Variants in RFX4 observed in about 807,000 individuals in gnomAD.
The protein encoded by RFX4 is transcription factor RFX4.
A neutral mutation model predicts 95.0 loss-of-function variants in RFX4; 10 were observed. The ratio of observed to expected loss-of-function variants is 0.11; its 90% CI spans 0.06 to 0.18. RFX4 has a LOEUF of 0.18. Among genes scored for constraint, RFX4 ranks in the 10% least tolerant of loss-of-function variants. RFX4 has a pLI of 1.00. For missense variants in RFX4, 640 were observed against 922.0 expected, an observed-to-expected ratio of 0.69 and a Z score of 3.96; for synonymous variants, 321 against 340.7, an observed-to-expected ratio of 0.94 and a Z score of 0.64.
Position 106,721,203 on chromosome 12 carries a change from G to A in RFX4, c.1351+327G>A, listed in dbSNP as rs184498835. ...CCAAAGCACAATTTCATAGAATCCC[G>A]TATTTGTGCACTTCCCAAGACTGGG... On this transcript the variant is annotated intron_variant, in intron 13 of 17. Transcript: ENST00000392842. Among the ~76,000 whole-genome samples, 344 of 152,214 alleles carry A rather than the reference G, an allele frequency of 2.3e-3. 2 individuals carry two copies. The highest frequency in any genetic ancestry group is 7.5e-3 in the African/African-American group (310 of 41,530).
chr12:106,646,560 C>G (rs1292430451), intron 3 of RFX4, among the ~76,000 whole-genome samples: 3 of 151,934 alleles, frequency 2.0e-5, no homozygotes, highest in African/African-American at 7.3e-5. Flanking sequence ...AGGTCAAACC[C>G]AGCGTAGGAA....
Position 106,761,355 on chromosome 12 carries a change from T to C in RFX4, c.2094T>C (p.Ser698=), listed in dbSNP as rs754708368. Reference sequence around the variant, plus strand: ...TGCATTCTGCGAGGTACGGAAACTCTAGTGACATGTATACACCTCTGACAA... The same window carrying C: ...TGCATTCTGCGAGGTACGGAAACTCCAGTGACATGTATACACCTCTGACAA... ...PSVHSARYGN[S]SDMYTPLTTR... The change falls in exon 18 of 18, where the codon TCT becomes TCC. Residue 698 remains serine, a synonymous_variant. Coordinates refer to ENST00000392842, the MANE Select transcript of RFX4 (RefSeq NM_213594.3). The C allele has an allele frequency of 2.5e-6, 4 of 1,614,114 alleles. No individual in the cohort carries two copies. The highest frequency in any genetic ancestry group is 3.4e-6 in the Non-Finnish European group (4 of 1,180,012).
intron 4 of RFX4, among the ~76,000 whole-genome samples, chr12:106,655,145 C>A (rs1205099783): frequency 1.3e-5 from 2 of 152,142 alleles, no homozygotes; most frequent in Non-Finnish European, 2.9e-5. Flanking sequence ...CAGGAATTCC[C>A]TTTTCAGATC....
intron 15 of RFX4, 152 bp downstream of exon 15, chr12:106,733,237 G>A (rs2042647130): frequency 4.0e-6 from 3 of 753,446 alleles, no homozygotes; most frequent in African/African-American, 3.5e-5. Context: ...TTGGGAGGCT[G>A]AGGTGGGAGA....
rs529744101 is a variant in RFX4, at chr12:106,668,810, G to A, written c.316-13183G>A. On this transcript the variant is annotated intron_variant, in intron 4 of 17. Coordinates refer to ENST00000392842, the MANE Select transcript of RFX4 (RefSeq NM_213594.3). Reference sequence around the variant, plus strand: ...TTATGAGCTCATGGGAAGTAACATGGGTGGTACAATGTGATCACTTAAGAC... The same window carrying A: ...TTATGAGCTCATGGGAAGTAACATGAGTGGTACAATGTGATCACTTAAGAC... 3.3e-5 allele frequency among the ~76,000 whole-genome samples: 5 copies of A among 152,200 alleles called. No homozygotes were observed. The East Asian group carries it at 7.7e-4, about 24-fold the overall frequency.
At position 106,720,458 on chromosome 12, in the gene RFX4, T is replaced by G. The variant is rs2042374729; in HGVS notation, c.1234-301T>G. On this transcript the variant is annotated intron_variant, in intron 12 of 17. Coordinates refer to ENST00000392842, the MANE Select transcript of RFX4 (RefSeq NM_213594.3). The surrounding 1 kb of genome is among the most constrained non-coding windows in gnomAD (Gnocchi z 4.2). ...GTGCAGTGGTGCGATCACAGCTCAC[T>G]GCAGCCTTGACCTCCCCAGGCTCAT... 6.6e-6 allele frequency among the ~76,000 whole-genome samples: 1 copy of G among 152,266 alleles called. No individual in the cohort carries two copies. Among genetic ancestry groups the G allele is most frequent in the Non-Finnish European group, 1.5e-5 (1 of 68,012 alleles).
chr12:106,722,719 C>T (rs2042418229), intron 13 of RFX4, among the ~76,000 whole-genome samples: 1 of 152,172 alleles, frequency 6.6e-6, no homozygotes, highest in African/African-American at 2.4e-5. Context: ...TCTCCAAGTC[C>T]ATTTAGCAAA....
intron 2 of RFX4, among the ~76,000 whole-genome samples, chr12:106,621,313 C>T (rs1423204342): frequency 6.6e-6 from 1 of 152,224 alleles, no homozygotes; most frequent in African/African-American, 2.4e-5. Context: ...CTTCCCACAA[C>T]ACAGCAAGTG....
rs57580632 is a variant in RFX4 at position 106,662,596 on chromosome 12, C to T, written c.315+8245C>T. Among the ~76,000 whole-genome samples, 657 of 152,198 alleles carry T rather than the reference C, an allele frequency of 4.3e-3. 5 individuals are homozygous for T. Among genetic ancestry groups the T allele is most frequent in the African/African-American group, 0.015 (614 of 41,548 alleles). On this transcript the variant is annotated intron_variant, in intron 4 of 17. Coordinates refer to ENST00000392842, the MANE Select transcript of RFX4 (RefSeq NM_213594.3). ...TCCAGCTTATCAATTATCTCTTTCACGGATTGTGCCTTTGGTGTTTTATCT... is the reference window on the plus strand; with the variant it reads ...TCCAGCTTATCAATTATCTCTTTCATGGATTGTGCCTTTGGTGTTTTATCT...
chr12:106,705,760 G>A (rs897085784), intron 8 of RFX4, among the ~76,000 whole-genome samples: 8 of 151,984 alleles, frequency 5.3e-5, no homozygotes, highest in African/African-American at 1.7e-4. Flanking sequence ...GGGTAGGGAG[G>A]GGGACAGTTT....
intron 17 of RFX4, among the ~76,000 whole-genome samples, chr12:106,754,147 A>T (rs1170048046): frequency 6.6e-6 from 1 of 152,174 alleles, no homozygotes; most frequent in East Asian, 1.9e-4. Context: ...TACCAAGGGG[A>T]GCCCTGGTTT....
chr12:106,752,548 C>T (rs187603192), intron 17 of RFX4, among the ~76,000 whole-genome samples: 1 of 152,116 alleles, frequency 6.6e-6, no homozygotes, highest in East Asian at 1.9e-4. Context: ...TCACCCTGGG[C>T]CTTGGGTCTC....
chr12:106,690,491 A>G (rs1405940750), intron 7 of RFX4, among the ~76,000 whole-genome samples: 1 of 152,184 alleles, frequency 6.6e-6, no homozygotes, highest in Non-Finnish European at 1.5e-5. Flanking sequence ...TGCTGTAACA[A>G]ATAACTCTGC....
chr12:106,621,503 A>G (rs897262999), intron 2 of RFX4, among the ~76,000 whole-genome samples: 1 of 152,130 alleles, frequency 6.6e-6, no homozygotes. Context: ...ACTTCCCTTT[A>G]CTTTGACCCA....
intron 13 of RFX4, among the ~76,000 whole-genome samples, chr12:106,727,722 C>G (rs2137548269): frequency 6.6e-6 from 1 of 152,118 alleles, no homozygotes; most frequent in Non-Finnish European, 1.5e-5. Context: ...TGGGTTCAAA[C>G]CATTCTCCTG....
chr12:106,660,256 T>A (rs185835942), intron 4 of RFX4, among the ~76,000 whole-genome samples: 1 of 151,854 alleles, frequency 6.6e-6, no homozygotes, highest in Non-Finnish European at 1.5e-5. Context: ...CAAATGCAAT[T>A]CCTGAGTATG....
chr12:106,722,717 T>C (rs998619301), intron 13 of RFX4, among the ~76,000 whole-genome samples: 1 of 152,196 alleles, frequency 6.6e-6, no homozygotes, highest in African/African-American at 2.4e-5. Context: ...TGTCTCCAAG[T>C]CCATTTAGCA....
intron 15 of RFX4, among the ~76,000 whole-genome samples, chr12:106,745,811 ACCT>A (rs1359246432): frequency 6.6e-6 from 1 of 152,196 alleles, no homozygotes; most frequent in Non-Finnish European, 1.5e-5. Flanking sequence ...GAATCCCATT[ACCT>A]CTGCCTTCTA....
chr12:106,713,076 C>T (rs1326964247), intron 10 of RFX4, among the ~76,000 whole-genome samples: 1 of 152,196 alleles, frequency 6.6e-6, no homozygotes, highest in African/African-American at 2.4e-5. Flanking sequence ...TGCCCCATTT[C>T]CATCTCTACC....
Sources: allele counts gnomAD v4.1 joint callset (sites outside exome capture counted in the v4.1 genomes callset), GRCh38; gene constraint gnomAD v4.1.1; non-coding constraint Gnocchi (gnomAD v3.1); transcripts MANE v1.5; gene names NCBI Gene and HGNC (gene_info 2026-07-23, HGNC 2026-07-21).